The following COL27A1 variants were observed in gnomAD, a reference collection of about 807,000 sequenced individuals.
The protein encoded by COL27A1 is collagen alpha-1(XXVII) chain.
Under a neutral mutation model 251.3 loss-of-function variants are expected in COL27A1, and 106 were observed. That is an observed-to-expected ratio of 0.42 (90% CI 0.36 to 0.50). The LOEUF (loss-of-function observed/expected upper bound fraction) is 0.50. Ranked by LOEUF, COL27A1 falls within the 20% of genes least tolerant of loss-of-function variation. The probability of loss-of-function intolerance (pLI) is 0.00; values close to 1 mark genes in which losing one functional copy is unlikely to be tolerated. For missense variants in COL27A1, 2,325 were observed against 2,522.8 expected, an observed-to-expected ratio of 0.92 and a Z score of 1.68; for synonymous variants, 1,000 against 986.3, an observed-to-expected ratio of 1.01 and a Z score of -0.26.
chr9:114,288,352 TA>T, intron 41 of COL27A1, 102 bp from the exon 42 acceptor site: 2 of 1,222,744 alleles, frequency 1.6e-6, no homozygotes, highest in Non-Finnish European at 2.4e-6. Context: ...TCTGTAACCC[TA>T]AGCAGGCTAG....
At chr9:114,220,067 G>GC (rs1830973487) in intron 13 of COL27A1, among the ~76,000 whole-genome samples, 1 of 152,156 alleles carries the variant, frequency 6.6e-6, no homozygotes, top group African/African-American at 2.4e-5. Context: ...AGCCCACTGA[G>GC]CCCCTGGGTC....
chr9:114,303,551 T>C (rs1444770272), intron 56 of COL27A1, among the ~76,000 whole-genome samples: 2 of 152,166 alleles, frequency 1.3e-5, no homozygotes, highest in Non-Finnish European at 2.9e-5. Context: ...CAGGTGCTTT[T>C]CATGTATTCA....
rs140093424 is a variant in COL27A1 at position 114,184,401 on chromosome 9, G to A, written c.2016+1326G>A. On this transcript the variant is annotated intron_variant, in intron 5 of 60. Transcript: ENST00000356083. ...AGCTTGTCTGGGAGCTTTGGACAGA[G>A]GTCTCACATGGTAGCCCTGGGCATA... Among the ~76,000 whole-genome samples the A allele has an allele frequency of 3.6e-3, 545 of 152,368 alleles. 3 individuals are homozygous for A. Among genetic ancestry groups the A allele is most frequent in the African/African-American group, 0.013 (520 of 41,588 alleles).
At chr9:114,291,860 T>C (rs542243865) in intron 48 of COL27A1, among the ~76,000 whole-genome samples, 5 of 151,900 alleles carry the variant, frequency 3.3e-5, no homozygotes, top group East Asian at 3.9e-4. Context: ...AGGAGAGGAA[T>C]TGTGGGAGAG....
intron 5 of COL27A1, among the ~76,000 whole-genome samples, chr9:114,193,210 T>C (rs1828869596): frequency 6.6e-6 from 1 of 152,102 alleles, no homozygotes; most frequent in African/African-American, 2.4e-5. Context: ...TAAGAGCTCT[T>C]AGAAGGTGAC....
At chr9:114,181,573 C>T (rs1827918855) in intron 4 of COL27A1, among the ~76,000 whole-genome samples, 1 of 152,164 alleles carries the variant, frequency 6.6e-6, no homozygotes, top group Admixed American at 6.6e-5. Context: ...GACCACTGGA[C>T]CCTTGAGGGT....
chr9:114,165,923 C>T (rs1174694910), intron 2 of COL27A1, among the ~76,000 whole-genome samples: 1 of 150,420 alleles, frequency 6.6e-6, no homozygotes, highest in Non-Finnish European at 1.5e-5. Context: ...TCCACCCATA[C>T]AGCCAGCCAG....
chr9:114,252,476 AC>A, intron 25 of COL27A1, 116 bp from the exon 26 acceptor site: 1 of 825,100 alleles, frequency 1.2e-6, no homozygotes, highest in Non-Finnish European at 2.1e-6. Flanking sequence ...CCCTCTAGAG[AC>A]CTTGAGCAAA....
intron 12 of COL27A1, among the ~76,000 whole-genome samples, chr9:114,216,889 C>T (rs1201570767): frequency 2.6e-5 from 4 of 152,086 alleles, no homozygotes; most frequent in African/African-American, 9.7e-5. Context: ...TCTAATGAGC[C>T]CTCGGAGAGC....
At chr9:114,241,617 A>G (rs1832762140) in intron 21 of COL27A1, among the ~76,000 whole-genome samples, 1 of 152,176 alleles carries the variant, frequency 6.6e-6, no homozygotes. Context: ...ATTACCACTC[A>G]AGAAAGCCCT....
At chr9:114,278,098 G>T (rs1219066035) in intron 37 of COL27A1, among the ~76,000 whole-genome samples, 5 of 151,968 alleles carry the variant, frequency 3.3e-5, no homozygotes, top group African/African-American at 1.2e-4. Flanking sequence ...AAATATAGAA[G>T]ATTGTCTTTA....
intron 36 of COL27A1, 190 bp downstream of exon 36, chr9:114,270,971 C>T: frequency 1.7e-6 from 1 of 582,066 alleles, no homozygotes; most frequent in East Asian, 3.1e-5. Context: ...GCCCTCTGCA[C>T]TACCTGCTCA....
rs1828744321 is a variant in COL27A1, at chr9:114,302,739, AAAC to A, written c.4872+634_4872+636del. ...AAACAAAAAAAACAAAAAAAAAAAA[AAAC>A]AAAGAGAGTCGGGCCAGGGGGGCAG... On this transcript the variant is annotated intron_variant, in intron 56 of 60. Transcript: ENST00000356083. 2.7e-5 allele frequency among the ~76,000 whole-genome samples: 4 copies of A among 145,540 alleles called. No individual in the cohort carries two copies. The South Asian group carries it at 8.7e-4, about 32-fold the overall frequency.
intron 22 of COL27A1, among the ~76,000 whole-genome samples, chr9:114,242,810 T>C (rs1832849918): frequency 6.6e-6 from 1 of 152,246 alleles, no homozygotes; most frequent in Non-Finnish European, 1.5e-5. Context: ...ATTCATTCAT[T>C]GAAGATTAAT....
At position 114,259,238 on chromosome 9, in the gene COL27A1, G is replaced by A. The variant is rs527250854; in HGVS notation, c.3195+644G>A. 1.5e-4 allele frequency among the ~76,000 whole-genome samples: 23 copies of A among 152,256 alleles called. 1 individual carries two copies. Among genetic ancestry groups the A allele is most frequent in the African/African-American group, 4.8e-4 (20 of 41,542 alleles). On this transcript the variant is annotated intron_variant, in intron 28 of 60. Transcript: ENST00000356083. ...AGGGACGAGGGAGAGGGATGGGGCT[G>A]GGACTTAGCAGGCACCAAGCGAGGC...
At chr9:114,210,015 C>T (rs1328929309) in intron 11 of COL27A1, among the ~76,000 whole-genome samples, 1 of 152,166 alleles carries the variant, frequency 6.6e-6, no homozygotes, top group Non-Finnish European at 1.5e-5. Context: ...CTGGAGAGGA[C>T]CCTGGGGCAA....
intron 6 of COL27A1, 91 bp downstream of exon 6, chr9:114,194,548 C>T: frequency 1.7e-6 from 2 of 1,142,914 alleles, no homozygotes; most frequent in Non-Finnish European, 2.6e-6. Flanking sequence ...CTGCCAGAGG[C>T]CATGCATGGC....
At chr9:114,246,665 C>T (rs1347922149) in intron 24 of COL27A1, among the ~76,000 whole-genome samples, 1 of 152,144 alleles carries the variant, frequency 6.6e-6, no homozygotes, top group Admixed American at 6.5e-5. Context: ...GGAATTTGGC[C>T]GCACCACGAA....
intron 39 of COL27A1, among the ~76,000 whole-genome samples, chr9:114,283,229 G>C (rs1359818665): frequency 6.6e-6 from 1 of 152,184 alleles, no homozygotes; most frequent in Non-Finnish European, 1.5e-5. Flanking sequence ...AATGCAGAGT[G>C]GGGAGGAGTT....
Sources: allele counts gnomAD v4.1 joint callset (sites outside exome capture counted in the v4.1 genomes callset), GRCh38; gene constraint gnomAD v4.1.1; transcripts MANE v1.5; gene names NCBI Gene and HGNC (gene_info 2026-07-23, HGNC 2026-07-21).